The following TENM3 variants were observed in gnomAD, a reference collection of about 807,000 sequenced individuals.
TENM3 encodes the protein teneurin-3.
A neutral mutation model predicts 255.1 loss-of-function variants in TENM3; 63 were observed. The observed-to-expected ratio is 0.25, with a 90% confidence interval of 0.20 to 0.30. The LOEUF is 0.30. Among genes scored for constraint, TENM3 ranks in the 10% least tolerant of loss-of-function variants. The pLI is 1.00. For synonymous variants in TENM3, 1,306 were observed against 1,322.3 expected, an observed-to-expected ratio of 0.99 and a Z score of 0.27; for missense variants, 2,929 against 3,461.1, an observed-to-expected ratio of 0.85 and a Z score of 3.86.
the TENM3 span, among the ~76,000 whole-genome samples, chr4:181,740,762 A>G: frequency 5.3e-5 from 8 of 152,246 alleles, no homozygotes; most frequent in South Asian, 2.1e-4. Flanking sequence ...GGGGACCACC[A>G]TGAACTAGTA....
intron 5 of TENM3, among the ~76,000 whole-genome samples, chr4:182,652,339 T>C (rs1021586227): frequency 9.2e-5 from 14 of 152,282 alleles, no homozygotes; most frequent in Admixed American, 7.8e-4. Context: ...GGACTGTTTA[T>C]TGAGGGGTGC....
At chr4:181,552,450 T>C in the TENM3 span, among the ~76,000 whole-genome samples, 1 of 152,196 alleles carries the variant, frequency 6.6e-6, no homozygotes, top group African/African-American at 2.4e-5. Flanking sequence ...GCCGATTTGC[T>C]CATGAATGCA....
intron 6 of TENM3, among the ~76,000 whole-genome samples, chr4:182,658,684 C>A (rs559436509): frequency 1.1e-4 from 17 of 152,340 alleles, no homozygotes; most frequent in African/African-American, 4.1e-4. Flanking sequence ...GTTATCATCT[C>A]TTGTGGTTCA....
At chr4:182,723,676 GA>G (rs1489620791) in intron 13 of TENM3, among the ~76,000 whole-genome samples, 1 of 151,814 alleles carries the variant, frequency 6.6e-6, no homozygotes, top group African/African-American at 2.4e-5. Flanking sequence ...AAATTTGCCA[GA>G]AAAAAAAGAA....
chr4:182,433,937 G>A (rs1004869061), intron 3 of TENM3, among the ~76,000 whole-genome samples: 5 of 152,112 alleles, frequency 3.3e-5, no homozygotes, highest in South Asian at 2.1e-4. Context: ...CAACATAGTG[G>A]GAACCCACCT....
At chr4:182,338,617 T>C (rs986065580) in intron 2 of TENM3, among the ~76,000 whole-genome samples, 1 of 152,198 alleles carries the variant, frequency 6.6e-6, no homozygotes, top group African/African-American at 2.4e-5. Context: ...ATGAAAGTTG[T>C]ACATATAATT....
intron 3 of TENM3, among the ~76,000 whole-genome samples, chr4:182,491,006 A>G (rs1735246052): frequency 6.6e-6 from 1 of 152,224 alleles, no homozygotes; most frequent in Admixed American, 6.5e-5. Context: ...CTTCATATCT[A>G]CTATTTCAGA....
intron 3 of TENM3, among the ~76,000 whole-genome samples, chr4:182,405,706 T>C (rs760718386): frequency 2.6e-5 from 4 of 152,170 alleles, no homozygotes; most frequent in Non-Finnish European, 5.9e-5. Context: ...TGCAGGCAAT[T>C]TATGTTGTAG....
chr4:181,688,497 CAT>C, the TENM3 span, among the ~76,000 whole-genome samples: 1 of 135,526 alleles, frequency 7.4e-6, no homozygotes. Flanking sequence ...GTGGTTAAAA[CAT>C]TTTTTTTTAT....
intron 3 of TENM3, among the ~76,000 whole-genome samples, chr4:182,561,026 G>A (rs537888576): frequency 6.6e-6 from 1 of 152,242 alleles, no homozygotes; most frequent in African/African-American, 2.4e-5. Context: ...GGTTTAATTT[G>A]AGGAACATTT....
the TENM3 span, among the ~76,000 whole-genome samples, chr4:182,019,740 CTACA>C: frequency 3.3e-5 from 5 of 152,144 alleles, no homozygotes; most frequent in African/African-American, 7.2e-5. Flanking sequence ...TCTTGGCTCA[CTACA>C]ACCTTGACCT....
intron 3 of TENM3, among the ~76,000 whole-genome samples, chr4:182,477,276 T>C (rs935845830): frequency 6.6e-6 from 1 of 152,168 alleles, no homozygotes; most frequent in Non-Finnish European, 1.5e-5. Context: ...AGAAAGAGCC[T>C]TGTATGAGCA....
intron 1 of TENM3, among the ~76,000 whole-genome samples, chr4:182,277,433 A>C (rs1423438338): frequency 2.0e-5 from 3 of 152,134 alleles, no homozygotes; most frequent in Non-Finnish European, 4.4e-5. Context: ...AGCACTCTTT[A>C]ATATGAAACT....
the TENM3 span, among the ~76,000 whole-genome samples, chr4:181,654,022 A>G: frequency 3.3e-5 from 5 of 151,726 alleles, no homozygotes; most frequent in African/African-American, 1.2e-4. Flanking sequence ...TGGCAAACTG[A>G]GTAGCATCTT....
At chr4:182,388,711 G>A (rs901004214) in intron 3 of TENM3, among the ~76,000 whole-genome samples, 3 of 152,278 alleles carry the variant, frequency 2.0e-5, no homozygotes, top group Middle Eastern at 3.4e-3. Flanking sequence ...TTGCTTTTGT[G>A]TATTATCATG....
intron 3 of TENM3, among the ~76,000 whole-genome samples, chr4:182,452,762 T>C (rs920097002): frequency 6.6e-6 from 1 of 152,238 alleles, no homozygotes; most frequent in African/African-American, 2.4e-5. Context: ...GCATTAGAAA[T>C]TTATTATGCT....
At chr4:182,145,754 C>G (rs1749919338) in intron 1 of TENM3, among the ~76,000 whole-genome samples, 1 of 152,194 alleles carries the variant, frequency 6.6e-6, no homozygotes, top group Non-Finnish European at 1.5e-5. Context: ...AGACTTTTTA[C>G]AGGGCCCCAG....
At chr4:182,189,290 T>C (rs1753359832) in intron 1 of TENM3, among the ~76,000 whole-genome samples, 1 of 152,058 alleles carries the variant, frequency 6.6e-6, no homozygotes, top group Non-Finnish European at 1.5e-5. Context: ...TGGGTATGAT[T>C]GCTCAAATGT....
At chr4:181,592,414 C>A in the TENM3 span, among the ~76,000 whole-genome samples, 1 of 149,558 alleles carries the variant, frequency 6.7e-6, no homozygotes, top group Non-Finnish European at 1.5e-5. Context: ...TGCCTGGTCA[C>A]AAAAGCCTAG....
Sources: allele counts gnomAD v4.1 joint callset (sites outside exome capture counted in the v4.1 genomes callset), GRCh38; gene constraint gnomAD v4.1.1; transcripts MANE v1.5; gene names NCBI Gene and HGNC (gene_info 2026-07-23, HGNC 2026-07-21).